The following BLTP1 variants were observed in gnomAD, a reference collection of about 807,000 sequenced individuals.
The protein encoded by BLTP1 is bridge-like lipid transfer protein family member 1, also known as fragile site-associated protein.
chr4:122,294,049 A>G, the BLTP1 span, among the ~76,000 whole-genome samples: 1 of 152,178 alleles, frequency 6.6e-6, no homozygotes, highest in African/African-American at 2.4e-5. Context: ...CTCACTGGGC[A>G]GGGCCTCCCT....
At chr4:122,236,609 G>T in the BLTP1 span, among the ~76,000 whole-genome samples, 1 of 152,122 alleles carries the variant, frequency 6.6e-6, no homozygotes, top group Non-Finnish European at 1.5e-5. Context: ...CCACTTTGTT[G>T]TTCTCTCTAA....
chr4:122,198,258 T>C, the BLTP1 span: 4 of 983,578 alleles, frequency 4.1e-6, no homozygotes, highest in South Asian at 1.9e-4. Context: ...CCTTATCTAG[T>C]GTTAAAAATA....
chr4:122,189,613 T>A, the BLTP1 span: 1 of 920,584 alleles, frequency 1.1e-6, no homozygotes, highest in Non-Finnish European at 1.3e-6. Context: ...ATGCAGAATA[T>A]GATCATTTTA....
the BLTP1 span, among the ~76,000 whole-genome samples, chr4:122,241,361 G>A: frequency 2.6e-5 from 4 of 152,184 alleles, no homozygotes; most frequent in African/African-American, 9.7e-5. Context: ...AGAGCTTATA[G>A]ACCATGGCAT....
At chr4:122,272,673 A>G in the BLTP1 span, among the ~76,000 whole-genome samples, 1 of 152,062 alleles carries the variant, frequency 6.6e-6, no homozygotes, top group Non-Finnish European at 1.5e-5. Context: ...TTGTCTTTTA[A>G]TATCAACTAC....
At chr4:122,294,423 T>G in the BLTP1 span, among the ~76,000 whole-genome samples, 1 of 152,180 alleles carries the variant, frequency 6.6e-6, no homozygotes, top group South Asian at 2.1e-4. Flanking sequence ...CTTTGCTGTT[T>G]CACAGCCTTC....
the BLTP1 span, among the ~76,000 whole-genome samples, chr4:122,177,638 C>A: frequency 2.6e-5 from 4 of 152,112 alleles, no homozygotes; most frequent in Admixed American, 2.0e-4. Context: ...CCTTCCACCC[C>A]ACTCCAGATA....
the BLTP1 span, among the ~76,000 whole-genome samples, chr4:122,312,215 C>T: frequency 1.3e-5 from 2 of 151,938 alleles, no homozygotes; most frequent in Admixed American, 1.3e-4. Flanking sequence ...TTTAAATTTC[C>T]TGTATAGATG....
chr4:122,214,701 C>G, the BLTP1 span: 2 of 207,806 alleles, frequency 9.6e-6, no homozygotes, highest in Non-Finnish European at 1.5e-5. Flanking sequence ...ACTGCAGCCT[C>G]GACTTCCTGG....
the BLTP1 span, among the ~76,000 whole-genome samples, chr4:122,320,610 C>G: frequency 6.6e-6 from 1 of 152,096 alleles, no homozygotes; most frequent in South Asian, 2.1e-4. Context: ...TCCCTGCTTT[C>G]TTTTAATTAG....
At chr4:122,263,541 G>A in the BLTP1 span, 5 of 1,613,000 alleles carry the variant, frequency 3.1e-6, no homozygotes, top group Middle Eastern at 1.6e-4. Context: ...GTGGGTAATC[G>A]AGGAAGTGTG....
the BLTP1 span, among the ~76,000 whole-genome samples, chr4:122,307,003 G>T: frequency 6.6e-5 from 10 of 152,018 alleles, no homozygotes; most frequent in Non-Finnish European, 1.5e-4. Flanking sequence ...GCTTTCATCA[G>T]CTTCTTAAAG....
the BLTP1 span, chr4:122,292,440 CA>C: frequency 1.1e-5 from 9 of 835,638 alleles, no homozygotes; most frequent in East Asian, 4.9e-4. Context: ...GTGTGCTAAG[CA>C]ATGTAAAAAT....
At chr4:122,220,592 TTAACTGTATTAAGAAGTTTTGTATG>T in the BLTP1 span, 4 of 778,544 alleles carry the variant, frequency 5.1e-6, no homozygotes, top group Non-Finnish European at 8.0e-6. Flanking sequence ...GACTTTTAAG[TTAACTGTATTAAGAAGTTTTGTATG>T]TATGTTTATG....
At chr4:122,350,036 C>T in the BLTP1 span, 87 of 1,613,646 alleles carry the variant, frequency 5.4e-5, no homozygotes, top group Non-Finnish European at 7.0e-5. Context: ...CCGCCAAAGA[C>T]AATGACTAGC....
At chr4:122,343,881 T>A in the BLTP1 span, 3 of 823,528 alleles carry the variant, frequency 3.6e-6, no homozygotes, top group Non-Finnish European at 4.4e-6. Flanking sequence ...TTACTTATGT[T>A]ATTGAAATAT....
At chr4:122,261,942 T>C in the BLTP1 span, 1 of 985,372 alleles carries the variant, frequency 1.0e-6, no homozygotes, top group South Asian at 4.7e-5. Context: ...GGTTAAGACA[T>C]TTAAGGGCTT....
At chr4:122,257,499 G>A in the BLTP1 span, 1 of 1,613,882 alleles carries the variant, frequency 6.2e-7, no homozygotes, top group Middle Eastern at 1.7e-4. Flanking sequence ...GATGCAGGTA[G>A]TTTTGTAAGC....
chr4:122,327,247 TGCA>T, the BLTP1 span, among the ~76,000 whole-genome samples: 31,620 of 151,246 alleles, frequency 0.21, 3,625 homozygotes, highest in African/African-American at 0.28. Context: ...AGGACCCCCA[TGCA>T]TACCAATATC....
Sources: allele counts gnomAD v4.1 joint callset (sites outside exome capture counted in the v4.1 genomes callset), GRCh38; gene constraint gnomAD v4.1.1; transcripts MANE v1.5; gene names NCBI Gene and HGNC (gene_info 2026-07-23, HGNC 2026-07-21).